ABCG2: variants seen among roughly 807,000 people sequenced by gnomAD.
ABCG2 encodes the protein ATP binding cassette subfamily G member 2 (JR blood group), also known as broad substrate specificity ATP-binding cassette transporter ABCG2.
In ABCG2, 80 loss-of-function variants were observed where a neutral mutation model predicts 73.5. The observed-to-expected ratio is 1.09, with a 90% CI of 0.91 to 1.31. The LOEUF is 1.31. Among genes scored for constraint, ABCG2 ranks in the 50% most tolerant of loss-of-function variants. ABCG2 has a pLI of 0.00. For synonymous variants in ABCG2, 269 were observed against 282.4 expected (o/e 0.95, Z 0.48); for missense variants, 796 against 786.2 (o/e 1.01, Z -0.15).
Position 88,127,388 on chromosome 4 carries a change from T to C in ABCG2, c.531+3673A>G, listed in dbSNP as rs531841479. On this transcript the variant is annotated intron_variant, in intron 5 of 15. Transcript: ENST00000237612. ...CAATGCTATCTCCATCAAGCTACCA[T>C]TGACTTTCTTCACAGAATTAGAAAA... 1.8e-4 allele frequency among the ~76,000 whole-genome samples: 27 copies of C among 152,220 alleles called. 1 individual carries two copies. In the South Asian group the frequency reaches 5.6e-3, roughly 32 times the overall value.
rs578181289 is a variant in ABCG2, at chr4:88,178,723, T to G, written c.-19-38709A>C. Among the ~76,000 whole-genome samples, 78 of 151,902 alleles carry G rather than the reference T, an allele frequency of 5.1e-4. 1 individual carries two copies. Among genetic ancestry groups the G allele is most frequent in the Non-Finnish European group, 1.1e-3 (73 of 67,984 alleles). On this transcript the variant is annotated intron_variant, in intron 1 of 15. Transcript: ENST00000515655. ...GGGAGAGTCCCAAACCTAGCAGCAT[T>G]CAATACAAGCTGACTGAAGAACCCT...
At position 88,201,583 on chromosome 4, in the gene ABCG2, C is replaced by G. The variant is rs1578274266; in HGVS notation, c.-20+29411G>C. The G allele has an allele frequency of 1.3e-5, 2 of 152,260 alleles. 1 individual carries two copies. The highest frequency in any genetic ancestry group is 1.3e-4 in the Admixed American group (2 of 15,290). The allele number at this position is 152,260 out of a possible 1,614,324, so 9.4% of individuals were successfully genotyped here. ...CATTGAAAGAAGCAGCTGTACAGTT[C>G]TTTGTAATCTCTTTTAGGAGACAGA... On this transcript the variant is annotated intron_variant, in intron 1 of 15. Coordinates refer to the ABCG2 transcript ENST00000515655.
intron 1 of ABCG2, among the ~76,000 whole-genome samples, chr4:88,155,661 T>G (rs540635237): frequency 3.9e-5 from 6 of 152,316 alleles, no homozygotes; most frequent in Non-Finnish European, 5.9e-5. Flanking sequence ...TCCCAGCACT[T>G]GGGGAGGCCG....
intron 1 of ABCG2, among the ~76,000 whole-genome samples, chr4:88,166,580 G>T (rs2110089945): frequency 6.6e-6 from 1 of 152,260 alleles, no homozygotes; most frequent in South Asian, 2.1e-4. Flanking sequence ...ACTAATATGA[G>T]ACATAGAGCT....
At chr4:88,140,208 G>C (rs1725536552) in intron 1 of ABCG2, among the ~76,000 whole-genome samples, 194 bp from the exon 2 acceptor site, 1 of 152,200 alleles carries the variant, frequency 6.6e-6, no homozygotes, top group South Asian at 2.1e-4. Flanking sequence ...AACTTGGAAT[G>C]CATAAACTCC....
At chr4:88,210,604 T>TC (rs1242873267) in intron 1 of ABCG2, among the ~76,000 whole-genome samples, 1 of 150,960 alleles carries the variant, frequency 6.6e-6, no homozygotes, top group Non-Finnish European at 1.5e-5. Context: ...TCTTTTTTTT[T>TC]TTCTAAGAGA....
chr4:88,131,998 A>C, intron 3 of ABCG2, 81 bp from the exon 4 acceptor site: 1 of 910,148 alleles, frequency 1.1e-6, no homozygotes, highest in Non-Finnish European at 1.7e-6. Flanking sequence ...CCTCCAACAC[A>C]TGCTATATAT....
chr4:88,165,283 C>G (rs559388248), intron 1 of ABCG2, among the ~76,000 whole-genome samples: 121 of 152,294 alleles, frequency 7.9e-4, no homozygotes, highest in African/African-American at 2.8e-3. Context: ...TTTAAGACAA[C>G]ACAAGTATAT....
chr4:88,110,575 A>G (rs1418531625), intron 9 of ABCG2, among the ~76,000 whole-genome samples: 1 of 152,110 alleles, frequency 6.6e-6, no homozygotes, highest in African/African-American at 2.4e-5. Context: ...TTTATTGCCC[A>G]AGCTGTTCTC....
At chr4:88,117,069 T>C (rs1216062596) in intron 7 of ABCG2, among the ~76,000 whole-genome samples, 1 of 152,152 alleles carries the variant, frequency 6.6e-6, no homozygotes, top group African/African-American at 2.4e-5. Flanking sequence ...GGCTCACACC[T>C]GTAATCCCAA....
intron 1 of ABCG2, among the ~76,000 whole-genome samples, chr4:88,211,542 G>C (rs556681730): frequency 6.6e-6 from 1 of 152,228 alleles, no homozygotes. Flanking sequence ...TCAGACACCT[G>C]AGTAGCTGGG....
chr4:88,162,646 G>A (rs1477886904), upstream of ABCG2, among the ~76,000 whole-genome samples: 1 of 152,150 alleles, frequency 6.6e-6, no homozygotes, highest in Non-Finnish European at 1.5e-5. Context: ...GTATTGCACT[G>A]TATAGAAATG....
At chr4:88,164,728 AG>A (rs1727447120) in intron 1 of ABCG2, among the ~76,000 whole-genome samples, 1 of 152,172 alleles carries the variant, frequency 6.6e-6, no homozygotes, top group Admixed American at 6.5e-5. Flanking sequence ...TTGTAACAAA[AG>A]GGAAGGAAGT....
rs931256121 is a variant in ABCG2, at chr4:88,190,007, T to C, written c.-20+40987A>G. Among the ~76,000 whole-genome samples the C allele has an allele frequency of 2.0e-5, 3 of 152,200 alleles. No homozygotes were observed. The East Asian group carries it at 5.8e-4, about 29-fold the overall frequency. On this transcript the variant is annotated intron_variant, in intron 1 of 15. Coordinates refer to the ABCG2 transcript ENST00000515655. Reference sequence around the variant, plus strand: ...AAGTGGTATGAATGAATGAGGTTAGTTTAAAGGAATATACAAAAAGAAATG... The same window carrying C: ...AAGTGGTATGAATGAATGAGGTTAGCTTAAAGGAATATACAAAAAGAAATG...
intron 1 of ABCG2, among the ~76,000 whole-genome samples, chr4:88,146,584 G>T (rs1726021141): frequency 6.6e-6 from 1 of 152,068 alleles, no homozygotes; most frequent in Non-Finnish European, 1.5e-5. Context: ...AGTAGAGATG[G>T]GGTTTCACCA....
At position 88,158,626 on chromosome 4, in the gene ABCG2, G is replaced by C. The variant is rs552305816; in HGVS notation, c.-260C>G. 1.8e-4 allele frequency: 83 copies of C among 456,344 alleles called. No individual in the cohort carries two copies. Among genetic ancestry groups the C allele is most frequent in the African/African-American group, 1.6e-3 (78 of 50,212 alleles). 28.3% of individuals were successfully genotyped at this position (456,344 alleles called of 1,614,324 possible). A position where few individuals can be genotyped will look rare whatever the true frequency, so the allele number is the denominator to read the frequency against. On this transcript the variant is annotated 5_prime_UTR_variant, in exon 1 of 16. Transcript: ENST00000237612. ...TTGCCGCGTCTCTCAATCTCAGTGG[G>C]AGTGGCGGGCACTGCCTCTTCCCTC... is the stretch of plus-strand genomic sequence containing the variant.
At chr4:88,217,067 C>T (rs1244140662) in intron 1 of ABCG2, among the ~76,000 whole-genome samples, 1 of 151,930 alleles carries the variant, frequency 6.6e-6, no homozygotes, top group Non-Finnish European at 1.5e-5. Context: ...ATTTTATTCC[C>T]TGCCTGCAGA....
chr4:88,172,043 C>T (rs1727777851), intron 1 of ABCG2, among the ~76,000 whole-genome samples: 2 of 152,036 alleles, frequency 1.3e-5, no homozygotes, highest in South Asian at 2.1e-4. Flanking sequence ...TGCCTGTAAT[C>T]CCAGCACTTG....
chr4:88,149,838 C>T (rs937281017), intron 1 of ABCG2, among the ~76,000 whole-genome samples: 13 of 152,062 alleles, frequency 8.5e-5, no homozygotes, highest in African/African-American at 2.2e-4. Flanking sequence ...GCAACAAGAG[C>T]GAAACTCTGT....
Sources: gnomAD v4.1 joint callset for allele counts (sites outside exome capture counted in the v4.1 genomes callset) on GRCh38, gnomAD v4.1.1 for gene constraint, MANE v1.5 for transcripts, NCBI Gene and HGNC (gene_info 2026-07-23, HGNC 2026-07-21) for gene names.